The following RFX2 variants were observed in gnomAD, a reference collection of about 807,000 sequenced individuals.
RFX2 encodes regulatory factor X2.
Under a neutral mutation model 87.8 loss-of-function variants are expected in RFX2, and 20 were observed. The ratio of observed to expected loss-of-function variants is 0.23; its 90% confidence interval spans 0.16 to 0.33. The LOEUF (loss-of-function observed/expected upper bound fraction) is 0.33. Among genes scored for constraint, RFX2 ranks in the 10% least tolerant of loss-of-function variants. The probability of loss-of-function intolerance (pLI) is 1.00; values close to 1 mark genes in which losing one functional copy is unlikely to be tolerated. For missense variants in RFX2, 767 were observed against 1,012.3 expected (o/e 0.76, Z 3.29); for synonymous variants, 397 against 431.3 (o/e 0.92, Z 0.98).
chr19:6,069,527 G>A (rs1244502041), intron 1 of RFX2, among the ~76,000 whole-genome samples: 3 of 152,234 alleles, frequency 2.0e-5, no homozygotes, highest in Non-Finnish European at 4.4e-5. Flanking sequence ...GCTCACCAAG[G>A]AAGAGCAGAG....
chr19:6,004,357 TCAG>T lies in RFX2; in HGVS notation c.1403-62_1403-60del, dbSNP rs1311745442. 1 of 1,402,904 alleles carries T rather than the reference TCAG, an allele frequency of 7.1e-7. No individual in the cohort carries two copies. The highest frequency in any genetic ancestry group is 1.4e-5 in the African/African-American group (1 of 70,758). The allele number at this position is 1,402,904 out of a possible 1,614,324, so 86.9% of individuals were successfully genotyped here. A position where few individuals can be genotyped will look rare whatever the true frequency, so the allele number is the denominator to read the frequency against. On this transcript the variant is annotated intron_variant, in intron 12 of 17. Coordinates refer to ENST00000303657, the MANE Select transcript of RFX2 (RefSeq NM_000635.4). This position sits in a 1 kb window ranked among gnomAD's most constrained non-coding sequence, Gnocchi z 4.8. ...AAAGGCAGTGACTGGACCCTGGAAA[TCAG>T]CATTCAGTGTAAGAGCTGGCCCAAG... is the stretch of plus-strand genomic sequence containing the variant.
rs2087211980 is a variant in RFX2, at chr19:6,047,572, A to G, written c.-8-68T>C. 7.7e-7 allele frequency: 1 copy of G among 1,303,904 alleles called. No homozygotes were observed. The highest frequency in any genetic ancestry group is 1.3e-5 in the South Asian group (1 of 79,386). The allele number at this position is 1,303,904 out of a possible 1,614,324, so 80.8% of individuals were successfully genotyped here. On this transcript the variant is annotated intron_variant, in intron 1 of 17. Transcript: ENST00000303657. This position sits in a 1 kb window ranked among gnomAD's most constrained non-coding sequence, Gnocchi z 4.2. ...GCACTGAAATCCGAAGAGGCAACTAACAAGTTCAAGGGAGGGAAGGAGTAA... is the reference window on the plus strand; with the variant it reads ...GCACTGAAATCCGAAGAGGCAACTAGCAAGTTCAAGGGAGGGAAGGAGTAA...
At chr19:6,081,086 C>G (rs1470575575) in intron 1 of RFX2, among the ~76,000 whole-genome samples, 1 of 150,930 alleles carries the variant, frequency 6.6e-6, no homozygotes, top group East Asian at 1.9e-4. Flanking sequence ...CCAGGAGGCT[C>G]AACCCACAGG....
chr19:6,106,705 A>G (rs1175869051), intron 1 of RFX2, among the ~76,000 whole-genome samples: 1 of 151,974 alleles, frequency 6.6e-6, no homozygotes, highest in Non-Finnish European at 1.5e-5. Context: ...TTGGTTTTTC[A>G]AAAGTTTCCT....
chr19:6,104,410 A>T (rs935345818), intron 1 of RFX2, among the ~76,000 whole-genome samples: 12 of 151,634 alleles, frequency 7.9e-5, no homozygotes, highest in Non-Finnish European at 1.8e-4. Flanking sequence ...TCTACTAAAA[A>T]TACAAAAAAT....
At chr19:6,060,694 G>T (rs1171864343) in intron 1 of RFX2, among the ~76,000 whole-genome samples, 1 of 152,092 alleles carries the variant, frequency 6.6e-6, no homozygotes, top group Non-Finnish European at 1.5e-5. Flanking sequence ...ACTCTCTGCA[G>T]TGTTTCGTGT....
chr19:6,059,675 C>T (rs374741305), intron 1 of RFX2, among the ~76,000 whole-genome samples: 16 of 152,182 alleles, frequency 1.1e-4, no homozygotes, highest in South Asian at 2.1e-4. Flanking sequence ...CACACACAGA[C>T]GCATGTATAC....
chr19:6,004,430 G>A lies in RFX2; in HGVS notation c.1403-132C>T, dbSNP rs1056361163. The A allele has an allele frequency of 1.1e-4, 76 of 716,972 alleles. No individual in the cohort carries two copies. Among genetic ancestry groups the A allele is most frequent in the Middle Eastern group, 5.1e-4 (2 of 3,946 alleles). The allele number at this position is 716,972 out of a possible 1,614,324, so 44.4% of individuals were successfully genotyped here. On this transcript the variant is annotated intron_variant, in intron 12 of 17. Transcript: ENST00000303657. The surrounding 1 kb of genome is among the most constrained non-coding windows in gnomAD (Gnocchi z 4.8). ...ATGAAGAACGAGCCACACAGGCGAC[G>A]GGGAACCGAGGACACTTAGAAACGG...
intron 1 of RFX2, among the ~76,000 whole-genome samples, chr19:6,049,585 G>A (rs1478361008): frequency 6.6e-6 from 1 of 152,138 alleles, no homozygotes; most frequent in African/African-American, 2.4e-5. Flanking sequence ...TGTCACCCAG[G>A]CTGGAGTGCA....
chr19:5,999,335 A>G lies in RFX2; in HGVS notation c.1860-2122T>C, dbSNP rs964403851. The stretch of plus-strand genomic sequence containing the variant: ...AGAGCACCCCCACCTTGCAGACGTG[A>G]CCCCGATCCCCTCCAGCTCTGAGCT... On this transcript the variant is annotated intron_variant, in intron 15 of 17. Coordinates refer to ENST00000303657, the MANE Select transcript of RFX2 (RefSeq NM_000635.4). This position sits in a 1 kb window ranked among gnomAD's most constrained non-coding sequence, Gnocchi z 4.1. Among the ~76,000 whole-genome samples the G allele has an allele frequency of 1.3e-5, 2 of 151,994 alleles. No homozygotes were observed. The highest frequency in any genetic ancestry group is 4.8e-5 in the African/African-American group (2 of 41,376).
intron 1 of RFX2, chr19:6,077,035 A>G (rs1055319346): frequency 6.6e-6 from 1 of 152,228 alleles, no homozygotes; most frequent in African/African-American, 2.4e-5. Flanking sequence ...CAGTCCTTCC[A>G]TGAGACCTCG....
At chr19:6,067,822 C>T (rs1424314077) in intron 1 of RFX2, 1 of 152,188 alleles carries the variant, frequency 6.6e-6, no homozygotes, top group Admixed American at 6.5e-5. Flanking sequence ...TAAAAGCACA[C>T]AATGCTGATA....
Position 6,017,065 on chromosome 19 carries a change from A to G in RFX2, c.598-794T>C, listed in dbSNP as rs1240261947. Among the ~76,000 whole-genome samples the G allele has an allele frequency of 6.6e-6, 1 of 152,196 alleles. No homozygotes were observed. Among genetic ancestry groups the G allele is most frequent in the African/African-American group, 2.4e-5 (1 of 41,426 alleles). On this transcript the variant is annotated intron_variant, in intron 6 of 17. Transcript: ENST00000303657. The surrounding 1 kb of genome is among the most constrained non-coding windows in gnomAD (Gnocchi z 4.1). ...TACAAATGGAAATTCAGTAAAATAC[A>G]CAAATGCTTATATGCACGGTTTTGT...
Position 6,004,401 on chromosome 19 carries a change from C to T in RFX2, c.1403-103G>A. The T allele has an allele frequency of 5.2e-6, 5 of 964,004 alleles. No homozygotes were observed. Among genetic ancestry groups the T allele is most frequent in the Non-Finnish European group, 8.4e-6 (5 of 597,714 alleles). 59.7% of individuals were successfully genotyped at this position (964,004 alleles called of 1,614,324 possible). A position where few individuals can be genotyped will look rare whatever the true frequency, so the allele number is the denominator to read the frequency against. Reference sequence around the variant, plus strand: ...CTGGCCCAAGTGCGATGAAAATGACCACCATGAAGAACGAGCCACACAGGC... The same window carrying T: ...CTGGCCCAAGTGCGATGAAAATGACTACCATGAAGAACGAGCCACACAGGC... On this transcript the variant is annotated intron_variant, in intron 12 of 17. Transcript: ENST00000303657. The surrounding 1 kb of genome is among the most constrained non-coding windows in gnomAD (Gnocchi z 4.8).
intron 1 of RFX2, among the ~76,000 whole-genome samples, chr19:6,087,847 G>A (rs1165593211): frequency 1.3e-5 from 2 of 152,154 alleles, no homozygotes. Flanking sequence ...GGTGGACAGC[G>A]TGTTTTGATA....
intron 1 of RFX2, among the ~76,000 whole-genome samples, chr19:6,062,858 A>G (rs559666996): frequency 1.1e-3 from 163 of 152,306 alleles, no homozygotes; most frequent in Non-Finnish European, 2.1e-3. Context: ...TATCCCCACA[A>G]GCAGTTCCCT....
Position 5,997,246 on chromosome 19 carries a change from CAG to C in RFX2, c.1860-35_1860-34del. The C allele has an allele frequency of 5.0e-6, 8 of 1,591,004 alleles. No homozygotes were observed. The highest frequency in any genetic ancestry group is 6.8e-6 in the Non-Finnish European group (8 of 1,171,936). ...CAAGCGGACAGAGGCTGGGGACCCT[CAG>C]GGGAGCATGGAACCCGGGCCCCAGG... On this transcript the variant is annotated intron_variant, in intron 15 of 17. Coordinates refer to ENST00000303657, the MANE Select transcript of RFX2 (RefSeq NM_000635.4). The surrounding 1 kb of genome is among the most constrained non-coding windows in gnomAD (Gnocchi z 4.2).
At chr19:6,073,087 C>A (rs1372070089) in intron 1 of RFX2, 2 of 453,240 alleles carry the variant, frequency 4.4e-6, no homozygotes, top group Non-Finnish European at 8.1e-6. Flanking sequence ...TGAAGCAATT[C>A]TCATGCCTCA....
rs116327302 is a variant in RFX2, at chr19:6,044,575, T to A, written c.91-293A>T. On this transcript the variant is annotated intron_variant, in intron 2 of 17. Transcript: ENST00000303657. The surrounding 1 kb of genome is among the most constrained non-coding windows in gnomAD (Gnocchi z 5.3). Reference sequence around the variant, plus strand: ...CGAATTGTGGGCACACACACACGTATGCACACACACATACACGGAAGCACA... The same window carrying A: ...CGAATTGTGGGCACACACACACGTAAGCACACACACATACACGGAAGCACA... Among the ~76,000 whole-genome samples, 1 of 152,278 alleles carries A rather than the reference T, an allele frequency of 6.6e-6. No homozygotes were observed. Among genetic ancestry groups the A allele is most frequent in the African/African-American group, 2.4e-5 (1 of 41,564 alleles).
Sources: gnomAD v4.1 joint callset for allele counts (sites outside exome capture counted in the v4.1 genomes callset) on GRCh38, gnomAD v4.1.1 for gene constraint, Gnocchi (gnomAD v3.1) non-coding constraint, MANE v1.5 for transcripts, NCBI Gene and HGNC (gene_info 2026-07-23, HGNC 2026-07-21) for gene names.